The following GLIS3 variants were observed in gnomAD, a reference collection of about 807,000 sequenced individuals.
The protein encoded by GLIS3 is GLIS family zinc finger 3.
Under a neutral mutation model 78.6 loss-of-function variants are expected in GLIS3, and 53 were observed. The ratio of observed to expected loss-of-function variants is 0.67; its 90% CI spans 0.54 to 0.85. GLIS3 has a LOEUF of 0.85. Ranked by LOEUF, GLIS3 falls within the 40% of genes least tolerant of loss-of-function variation. GLIS3 has a pLI of 0.00. For missense variants in GLIS3, 1,703 were observed against 1,231.1 expected (o/e 1.38, Z -5.74); for synonymous variants, 684 against 509.9 (o/e 1.34, Z -4.60).
chr9:3,965,188 C>CTTTTTTTTTTTTT lies in GLIS3; in HGVS notation c.1711-28000_1711-27999insAAAAAAAAAAAAA, dbSNP rs750454441. Reference sequence around the variant, plus strand: ...TACTTCTTTTCTATTTCTTTCTTTTCTTTTCTTTTTTTTTTTTTTTTTTTG... The same window carrying CTTTTTTTTTTTTT: ...TACTTCTTTTCTATTTCTTTCTTTTCTTTTTTTTTTTTTTTTTCTTTTTTTTTTTTTTTTTTTG... On this transcript the variant is annotated intron_variant, in intron 4 of 10. Coordinates refer to ENST00000381971, the MANE Select transcript of GLIS3 (RefSeq NM_001042413.2). 1.2e-3 allele frequency among the ~76,000 whole-genome samples: 114 copies of CTTTTTTTTTTTTT among 98,964 alleles called. 5 individuals are homozygous for CTTTTTTTTTTTTT. The highest frequency in any genetic ancestry group is 2.5e-3 in the African/African-American group (62 of 25,304). The allele number at this position is 98,964 out of a possible 152,430, so 64.9% of individuals were successfully genotyped here.
At chr9:4,432,453 G>A in the GLIS3 span, among the ~76,000 whole-genome samples, 1 of 152,198 alleles carries the variant, frequency 6.6e-6, no homozygotes, top group South Asian at 2.1e-4. Context: ...ACACAGCTAG[G>A]TGGAGCAAGG....
At chr9:4,406,818 G>C in the GLIS3 span, among the ~76,000 whole-genome samples, 1 of 152,236 alleles carries the variant, frequency 6.6e-6, no homozygotes, top group Admixed American at 6.5e-5. Flanking sequence ...AAAATGGAAA[G>C]ATACTCCATG....
At chr9:3,829,901 A>T (rs1294062614) in intron 9 of GLIS3, among the ~76,000 whole-genome samples, 3 of 152,174 alleles carry the variant, frequency 2.0e-5, no homozygotes, top group Non-Finnish European at 4.4e-5. Context: ...ACTGGTTAAA[A>T]TCTTGCAGAA....
chr9:3,967,464 T>C (rs959571611), intron 4 of GLIS3, among the ~76,000 whole-genome samples: 9 of 151,622 alleles, frequency 5.9e-5, no homozygotes, highest in African/African-American at 1.9e-4. Flanking sequence ...GATCGGGCCA[T>C]TGCACTCCAG....
At chr9:3,854,470 C>T (rs758135096) in intron 9 of GLIS3, among the ~76,000 whole-genome samples, 1 of 151,846 alleles carries the variant, frequency 6.6e-6, no homozygotes, top group Non-Finnish European at 1.5e-5. Context: ...TTTTCAAGGT[C>T]TCTTCCTTCC....
chr9:4,359,142 G>C, the GLIS3 span, among the ~76,000 whole-genome samples: 1 of 152,078 alleles, frequency 6.6e-6, no homozygotes, highest in Non-Finnish European at 1.5e-5. Flanking sequence ...TTCCAGTTAA[G>C]TCAATTGCTG....
At chr9:4,286,703 A>T (rs1006808254) in intron 1 of GLIS3, among the ~76,000 whole-genome samples, 180 bp from the exon 2 acceptor site, 7 of 152,186 alleles carry the variant, frequency 4.6e-5, no homozygotes, top group African/African-American at 1.7e-4. Flanking sequence ...CCCCTTCTGC[A>T]CTCATGGTGG....
At chr9:4,067,054 T>C (rs1054529044) in intron 4 of GLIS3, among the ~76,000 whole-genome samples, 3 of 152,164 alleles carry the variant, frequency 2.0e-5, no homozygotes, top group African/African-American at 7.2e-5. Context: ...GACAGGAAGT[T>C]ATCCTTCTTC....
At chr9:3,982,954 G>A (rs1011478307) in intron 4 of GLIS3, among the ~76,000 whole-genome samples, 1 of 152,168 alleles carries the variant, frequency 6.6e-6, no homozygotes, top group African/African-American at 2.4e-5. Flanking sequence ...AAATCAAAGT[G>A]AAGGACATTG....
At chr9:4,037,490 T>C (rs1824416026) in intron 4 of GLIS3, among the ~76,000 whole-genome samples, 1 of 151,730 alleles carries the variant, frequency 6.6e-6, no homozygotes, top group African/African-American at 2.4e-5. Context: ...CAGTTGAGAA[T>C]ACCCCACAAG....
chr9:4,084,505 G>A (rs888072034), intron 4 of GLIS3, among the ~76,000 whole-genome samples: 2 of 152,130 alleles, frequency 1.3e-5, no homozygotes, highest in Admixed American at 6.6e-5. Context: ...ACAAGGAGAC[G>A]AGGAGGAGCA....
At chr9:4,463,186 T>A in the GLIS3 span, among the ~76,000 whole-genome samples, 1 of 152,224 alleles carries the variant, frequency 6.6e-6, no homozygotes, top group Non-Finnish European at 1.5e-5. Flanking sequence ...CATTTTTCCT[T>A]AGAAGCAATT....
intron 8 of GLIS3, among the ~76,000 whole-genome samples, chr9:3,876,182 C>G (rs1283665523): frequency 6.6e-6 from 1 of 152,128 alleles, no homozygotes; most frequent in African/African-American, 2.4e-5. Flanking sequence ...AACAATTACA[C>G]AAATCCAAAC....
At chr9:4,097,000 C>A (rs955918301) in intron 4 of GLIS3, among the ~76,000 whole-genome samples, 1 of 152,028 alleles carries the variant, frequency 6.6e-6, no homozygotes, top group African/African-American at 2.4e-5. Context: ...CAACAGAGCA[C>A]GACTCTGTCT....
At chr9:3,846,239 C>T in intron 9 of GLIS3, among the ~76,000 whole-genome samples, 1 of 152,150 alleles carries the variant, frequency 6.6e-6, no homozygotes. Flanking sequence ...TCCCAAGTAA[C>T]TAAAAATTTC....
intron 6 of GLIS3, among the ~76,000 whole-genome samples, chr9:3,932,125 T>C (rs182192295): frequency 6.6e-6 from 1 of 152,084 alleles, no homozygotes; most frequent in Non-Finnish European, 1.5e-5. Flanking sequence ...GAAATTTGCA[T>C]AGCTATAGCA....
the GLIS3 span, among the ~76,000 whole-genome samples, chr9:4,354,772 T>C: frequency 2.2e-3 from 332 of 152,196 alleles, 1 homozygote; most frequent in African/African-American, 7.6e-3. Flanking sequence ...CTACCCCAAA[T>C]TCCACCCTCA....
chr9:4,069,909 G>A (rs777624605), intron 4 of GLIS3, among the ~76,000 whole-genome samples: 1 of 152,002 alleles, frequency 6.6e-6, no homozygotes, highest in Non-Finnish European at 1.5e-5. Flanking sequence ...GCGGAAGCCT[G>A]TGGATGTCAG....
chr9:3,956,781 C>T (rs1817140875), intron 4 of GLIS3, among the ~76,000 whole-genome samples: 1 of 152,148 alleles, frequency 6.6e-6, no homozygotes, highest in Admixed American at 6.5e-5. Flanking sequence ...TCTTAGTTGA[C>T]CAGGCTGTAA....
Sources: allele counts gnomAD v4.1 joint callset (sites outside exome capture counted in the v4.1 genomes callset), GRCh38; gene constraint gnomAD v4.1.1; transcripts MANE v1.5; gene names NCBI Gene and HGNC (gene_info 2026-07-23, HGNC 2026-07-21).